Variants in TAX1BP1 observed in about 807,000 individuals in gnomAD.
TAX1BP1 encodes Tax1 binding protein 1.
A neutral mutation model predicts 97.7 loss-of-function variants in TAX1BP1; 62 were observed. That is an observed-to-expected ratio of 0.63 (90% CI 0.52 to 0.78). The LOEUF is 0.78. TAX1BP1 is among the 30% of genes least tolerant of loss of function. The pLI is 0.00. For missense variants in TAX1BP1, 867 were observed against 916.1 expected, an observed-to-expected ratio of 0.95 and a Z score of 0.69; for synonymous variants, 340 against 304.2, an observed-to-expected ratio of 1.12 and a Z score of -1.23.
intron 1 of TAX1BP1, among the ~76,000 whole-genome samples, chr7:27,744,967 A>G (rs1198867111): frequency 6.6e-6 from 1 of 152,226 alleles, no homozygotes. Context: ...GAAGTGTAGT[A>G]GGAAACCTGG....
At chr7:27,803,168 C>T (rs1358148441) in intron 13 of TAX1BP1, 1 of 1,547,068 alleles carries the variant, frequency 6.5e-7, no homozygotes, top group South Asian at 1.2e-5. Flanking sequence ...TGGAAAACCT[C>T]TCCAGGGAGA....
At chr7:27,809,072 A>ATAG (rs10624501) in intron 13 of TAX1BP1, among the ~76,000 whole-genome samples, 117,832 of 151,954 alleles carry the variant, frequency 0.78, 46,765 homozygotes, top group African/African-American at 0.95. Flanking sequence ...GATATATATG[A>ATAG]TAGAGTATGT....
At chr7:27,768,994 C>T (rs1002577254) in intron 4 of TAX1BP1, among the ~76,000 whole-genome samples, 3 of 151,852 alleles carry the variant, frequency 2.0e-5, no homozygotes, top group African/African-American at 7.2e-5. Context: ...ATCTTATGAC[C>T]ATTTATTTAG....
chr7:27,740,945 G>A (rs1392018217), intron 1 of TAX1BP1, among the ~76,000 whole-genome samples: 1 of 152,186 alleles, frequency 6.6e-6, no homozygotes, highest in East Asian at 1.9e-4. Flanking sequence ...CCTGGCTTAG[G>A]GAATCTGTGG....
Position 27,749,635 on chromosome 7 carries a change from A to G in TAX1BP1, c.162+949A>G, listed in dbSNP as rs144919949. 8.4e-3 allele frequency among the ~76,000 whole-genome samples: 1,272 copies of G among 152,332 alleles called. 9 individuals are homozygous for G. The highest frequency in any genetic ancestry group is 0.015 in the Admixed American group (233 of 15,308). ...AAACAATTTTGGCATTTAATGACTTAGTTCCTTTCTTTGAATTCCTCATTT... is the reference window on the plus strand; with the variant it reads ...AAACAATTTTGGCATTTAATGACTTGGTTCCTTTCTTTGAATTCCTCATTT... On this transcript the variant is annotated intron_variant, in intron 2 of 16. Transcript: ENST00000396319.
intron 1 of TAX1BP1, among the ~76,000 whole-genome samples, chr7:27,743,136 A>G (rs921796825): frequency 2.6e-5 from 4 of 152,224 alleles, no homozygotes. Flanking sequence ...AAAGTAAATA[A>G]AAGTGGTGCG....
rs755060245 is a variant in TAX1BP1 at position 27,785,263 on chromosome 7, T to A, written c.713T>A (p.Ile238Asn). 6.2e-7 allele frequency: 1 copy of A among 1,613,318 alleles called. No individual in the cohort carries two copies. Among genetic ancestry groups the A allele is most frequent in the Non-Finnish European group, 8.5e-7 (1 of 1,179,650 alleles). ...TSKAHQLEED[I>N]VSVTHKAIEK... ...AAAGCCCATCAGCTTGAGGAAGATA[T>A]TGTGTCAGTAACACATAAAGCAATT... is the stretch of plus-strand genomic sequence containing the variant. The change falls in exon 6 of 17, where the codon ATT (isoleucine) becomes AAT (asparagine). Residue 238 changes from isoleucine to asparagine, a missense_variant. Around this residue, in one of 3 missense-constraint regions of TAX1BP1, gnomAD observed 822 missense variants for 851.4 expected, o/e 0.97. Coordinates refer to ENST00000396319, the MANE Select transcript of TAX1BP1 (RefSeq NM_006024.7).
intron 2 of TAX1BP1, among the ~76,000 whole-genome samples, chr7:27,754,734 G>A (rs1043870010): frequency 2.6e-5 from 4 of 151,892 alleles, no homozygotes; most frequent in African/African-American, 9.7e-5. Flanking sequence ...CACCACGCCC[G>A]GCTAATTTTT....
chr7:27,740,850 C>T (rs971427047), intron 1 of TAX1BP1, among the ~76,000 whole-genome samples: 1 of 152,220 alleles, frequency 6.6e-6, no homozygotes, highest in Non-Finnish European at 1.5e-5. Flanking sequence ...GTTGGCGGTT[C>T]TGGCTGATGG....
At chr7:27,826,107 C>A (rs748926961) in intron 15 of TAX1BP1, among the ~76,000 whole-genome samples, 5 of 152,132 alleles carry the variant, frequency 3.3e-5, no homozygotes, top group Non-Finnish European at 7.4e-5. Flanking sequence ...ATTCACTGTC[C>A]TACATACTAA....
chr7:27,802,917 A>C (rs1026713602), intron 13 of TAX1BP1, among the ~76,000 whole-genome samples: 1 of 152,212 alleles, frequency 6.6e-6, no homozygotes, highest in Non-Finnish European at 1.5e-5. Flanking sequence ...AAACCAAAGG[A>C]ATAGTTTTAA....
At chr7:27,777,378 T>C (rs1021502514) in intron 5 of TAX1BP1, among the ~76,000 whole-genome samples, 4 of 152,176 alleles carry the variant, frequency 2.6e-5, no homozygotes, top group Non-Finnish European at 2.9e-5. Context: ...AGACTGGGGT[T>C]ACTCTCTCCC....
chr7:27,764,962 G>A (rs1358747453), intron 3 of TAX1BP1, among the ~76,000 whole-genome samples: 2 of 140,130 alleles, frequency 1.4e-5, no homozygotes, highest in South Asian at 2.3e-4. Flanking sequence ...GCTTTAAAGC[G>A]CCACAAGAAT....
chr7:27,816,061 A>G (rs554773064), intron 13 of TAX1BP1, among the ~76,000 whole-genome samples: 1 of 152,284 alleles, frequency 6.6e-6, no homozygotes, highest in African/African-American at 2.4e-5. Flanking sequence ...CTAAGTTGTA[A>G]GAGATTCACA....
chr7:27,794,211 T>A, intron 10 of TAX1BP1, 112 bp from the exon 11 acceptor site: 1 of 954,946 alleles, frequency 1.0e-6, no homozygotes, highest in Non-Finnish European at 1.5e-6. Flanking sequence ...CTTTGTGGAC[T>A]TCTTAGGATT....
chr7:27,820,532 G>T (rs939437477), intron 15 of TAX1BP1, among the ~76,000 whole-genome samples: 1 of 152,066 alleles, frequency 6.6e-6, no homozygotes, highest in Admixed American at 6.6e-5. Flanking sequence ...TAATTTTAAT[G>T]TGTTTTCTGT....
At chr7:27,761,608 C>T (rs1788431915) in intron 3 of TAX1BP1, among the ~76,000 whole-genome samples, 1 of 152,176 alleles carries the variant, frequency 6.6e-6, no homozygotes, top group Non-Finnish European at 1.5e-5. Flanking sequence ...AGATTGGCTT[C>T]TTTTACTTAG....
chr7:27,773,147 CTACT>C (rs1478645909), intron 5 of TAX1BP1, among the ~76,000 whole-genome samples: 2 of 152,072 alleles, frequency 1.3e-5, no homozygotes, highest in Non-Finnish European at 2.9e-5. Context: ...CACAGAGAGG[CTACT>C]TACTTGTCCG....
At chr7:27,765,730 C>A in intron 3 of TAX1BP1, 104 bp from the exon 4 acceptor site, 2 of 997,912 alleles carry the variant, frequency 2.0e-6, no homozygotes, top group Non-Finnish European at 2.9e-6. Context: ...AGATTCTTGT[C>A]AAGAACAGTG....
Sources: gnomAD v4.1 joint callset for allele counts (sites outside exome capture counted in the v4.1 genomes callset) on GRCh38, gnomAD v4.1.1 for gene constraint, gnomAD v4.1.1 regional missense constraint, MANE v1.5 for transcripts, NCBI Gene and HGNC (gene_info 2026-07-23, HGNC 2026-07-21) for gene names.